Variants in AUTS2 observed in about 807,000 individuals in gnomAD.
The protein encoded by AUTS2 is autism susceptibility gene 2 protein.
Under a neutral mutation model 112.4 loss-of-function variants are expected in AUTS2, and 17 were observed. The ratio of observed to expected loss-of-function variants is 0.15; its 90% confidence interval spans 0.10 to 0.23. The LOEUF is 0.23. Among genes scored for constraint, AUTS2 ranks in the 10% least tolerant of loss-of-function variants. AUTS2 has a pLI of 1.00. For missense variants in AUTS2, 1,510 were observed against 1,701.6 expected, an observed-to-expected ratio of 0.89 and a Z score of 1.98; for synonymous variants, 751 against 702.7, an observed-to-expected ratio of 1.07 and a Z score of -1.09.
intron 5 of AUTS2, among the ~76,000 whole-genome samples, chr7:70,643,391 T>C (rs1805960412): frequency 6.6e-6 from 1 of 152,124 alleles, no homozygotes; most frequent in Non-Finnish European, 1.5e-5. Flanking sequence ...GCCAACAGGG[T>C]GAAACCCCGT....
At chr7:70,630,734 C>T (rs532209476) in intron 5 of AUTS2, among the ~76,000 whole-genome samples, 16 of 152,172 alleles carry the variant, frequency 1.1e-4, no homozygotes, top group Non-Finnish European at 1.6e-4. Flanking sequence ...GTCAGTCGTG[C>T]CTTTGAGCTG....
In AUTS2 at chr7:69,899,509, T is replaced by C. The variant is rs1794887844; in HGVS notation, c.522+11T>C. 6.2e-7 allele frequency: 1 copy of C among 1,613,470 alleles called. No homozygotes were observed. Among genetic ancestry groups the C allele is most frequent in the African/African-American group, 1.3e-5 (1 of 74,894 alleles). On this transcript the variant is annotated intron_variant, in intron 2 of 18. Coordinates refer to ENST00000342771, the MANE Select transcript of AUTS2 (RefSeq NM_015570.4). ...AAGGCACTCAGACAGGTGAGGAAGC[T>C]TGGGTTCGCTCTTTCCTGTGGCGGC...
chr7:70,623,849 CT>C (rs1202914943), intron 5 of AUTS2, among the ~76,000 whole-genome samples: 1 of 152,198 alleles, frequency 6.6e-6, no homozygotes, highest in Non-Finnish European at 1.5e-5. Context: ...CCTTTACGCA[CT>C]GTCAGAAATG....
At chr7:70,055,203 G>A (rs1240693980) in intron 2 of AUTS2, among the ~76,000 whole-genome samples, 1 of 152,170 alleles carries the variant, frequency 6.6e-6, no homozygotes, top group African/African-American at 2.4e-5. Flanking sequence ...GGGAGGCCGA[G>A]GCGGGTGGAT....
At chr7:70,532,948 C>A (rs11971835) in intron 5 of AUTS2, among the ~76,000 whole-genome samples, 13,299 of 152,240 alleles carry the variant, frequency 0.087, 670 homozygotes, top group African/African-American at 0.12. Context: ...TTTGCTTCCA[C>A]TCCTGAAAGG....
At chr7:69,690,801 C>T (rs552020832) in intron 1 of AUTS2, among the ~76,000 whole-genome samples, 8 of 152,336 alleles carry the variant, frequency 5.3e-5, no homozygotes, top group Middle Eastern at 3.4e-3. Context: ...TGTTACACCC[C>T]TTTCAGTCCC....
At chr7:70,061,150 C>G (rs768538353) in intron 2 of AUTS2, among the ~76,000 whole-genome samples, 3 of 152,088 alleles carry the variant, frequency 2.0e-5, no homozygotes, top group Non-Finnish European at 4.4e-5. Context: ...CATTCTGGTT[C>G]GTGTTGAGAG....
At chr7:70,310,426 T>C (rs529620023) in intron 4 of AUTS2, among the ~76,000 whole-genome samples, 16 of 152,102 alleles carry the variant, frequency 1.1e-4, no homozygotes, top group Admixed American at 2.0e-4. Context: ...CTGGCTAACA[T>C]GGTGAAACCC....
intron 1 of AUTS2, among the ~76,000 whole-genome samples, chr7:69,699,664 C>A (rs551674632): frequency 1.4e-5 from 2 of 141,642 alleles, no homozygotes; most frequent in African/African-American, 5.3e-5. Flanking sequence ...TTTTTTTTCC[C>A]GAGACAGAAT....
At chr7:69,849,475 A>AGATCTCCCT (rs1263617267) in intron 1 of AUTS2, among the ~76,000 whole-genome samples, 3 of 152,084 alleles carry the variant, frequency 2.0e-5, no homozygotes, top group Admixed American at 2.0e-4. Context: ...ATCATCACGA[A>AGATCTCCCT]GATCTCCCTA....
intron 1 of AUTS2, among the ~76,000 whole-genome samples, chr7:69,678,201 A>G (rs898061062): frequency 7.9e-5 from 12 of 151,958 alleles, no homozygotes; most frequent in African/African-American, 2.9e-4. Context: ...CTTGATCCTC[A>G]TGCAAGCATT....
At chr7:70,248,157 G>A (rs1217737551) in intron 4 of AUTS2, among the ~76,000 whole-genome samples, 2 of 152,158 alleles carry the variant, frequency 1.3e-5, no homozygotes, top group African/African-American at 2.4e-5. Flanking sequence ...AAGTTCATGA[G>A]TCCAGTTGTC....
At chr7:70,423,631 C>CA (rs199922977) in intron 4 of AUTS2, among the ~76,000 whole-genome samples, 14 of 150,794 alleles carry the variant, frequency 9.3e-5, no homozygotes, top group East Asian at 3.9e-4. Context: ...ACTTCCATCC[C>CA]AAAAAAAAAT....
intron 2 of AUTS2, among the ~76,000 whole-genome samples, chr7:70,089,934 G>C (rs1047955635): frequency 7.0e-4 from 107 of 152,056 alleles, no homozygotes; most frequent in African/African-American, 2.5e-3. Flanking sequence ...TTGAGCCCAG[G>C]AGGTGGAGGT....
At chr7:70,235,901 G>A (rs1221701399) in intron 4 of AUTS2, among the ~76,000 whole-genome samples, 3 of 152,170 alleles carry the variant, frequency 2.0e-5, no homozygotes, top group African/African-American at 4.8e-5. Context: ...CTCGTGGTCC[G>A]CCCACCTTGG....
Position 70,766,283 on chromosome 7 carries a change from C to T in AUTS2, c.1638C>T (p.Phe546=). 1.9e-6 allele frequency: 3 copies of T among 1,614,082 alleles called. No homozygotes were observed. The highest frequency in any genetic ancestry group is 8.5e-7 in the Non-Finnish European group (1 of 1,179,994). The change falls in exon 9 of 19, where the codon TTC becomes TTT. Residue 546 remains phenylalanine (F), a synonymous_variant. Coordinates refer to ENST00000342771, the MANE Select transcript of AUTS2 (RefSeq NM_015570.4). This position sits in a 1 kb window ranked among gnomAD's most constrained non-coding sequence, Gnocchi z 4.8. ...QHTHQHTFTP[F]PHAIPPTAIM... The stretch of plus-strand genomic sequence containing the variant: ...CGCACCAGCACACCTTCACGCCGTT[C>T]CCCCACGCCATCCCACCCACCGCCA...
At chr7:69,930,388 C>G (rs1352863815) in intron 2 of AUTS2, among the ~76,000 whole-genome samples, 2 of 152,154 alleles carry the variant, frequency 1.3e-5, no homozygotes, top group African/African-American at 4.8e-5. Context: ...ACTCTGTCTC[C>G]TCAATTCATC....
At chr7:69,964,138 ATACATATAATACAGT>A (rs1346033954) in intron 2 of AUTS2, among the ~76,000 whole-genome samples, 25 of 152,108 alleles carry the variant, frequency 1.6e-4, no homozygotes, top group African/African-American at 5.3e-4. Flanking sequence ...ATATTACCTG[ATACATATAATACAGT>A]TACAGTCTTC....
chr7:70,470,163 T>C lies in AUTS2; in HGVS notation c.690+34382T>C, dbSNP rs567618271. Among the ~76,000 whole-genome samples the C allele has an allele frequency of 9.5e-4, 144 of 152,182 alleles. 1 individual carries two copies. Among genetic ancestry groups the C allele is most frequent in the Admixed American group, 3.5e-3 (53 of 15,286 alleles). ...TGGTATTTACAGTGACTGGTAGGGA[T>C]TGGTTTTTACCCTCCCTCCCCTGCC... On this transcript the variant is annotated intron_variant, in intron 5 of 18. Coordinates refer to ENST00000342771, the MANE Select transcript of AUTS2 (RefSeq NM_015570.4).
Sources: gnomAD v4.1 joint callset for allele counts (sites outside exome capture counted in the v4.1 genomes callset) on GRCh38, gnomAD v4.1.1 for gene constraint, Gnocchi (gnomAD v3.1) non-coding constraint, MANE v1.5 for transcripts, NCBI Gene and HGNC (gene_info 2026-07-23, HGNC 2026-07-21) for gene names.